SLC26A7: variants seen among roughly 807,000 people sequenced by gnomAD.
SLC26A7 encodes solute carrier family 26 member 7.
SLC26A7 carries 59 observed loss-of-function variants against 82.5 expected under a neutral mutation model. That is an observed-to-expected ratio of 0.72 (90% CI 0.58 to 0.89). The LOEUF is 0.89. Ranked by LOEUF, SLC26A7 falls within the 40% of genes least tolerant of loss-of-function variation. SLC26A7 has a pLI of 0.00. For missense variants in SLC26A7, 820 were observed against 793.0 expected (o/e 1.03, Z -0.41); for synonymous variants, 271 against 274.3 (o/e 0.99, Z 0.12).
At chr8:91,226,544 T>A (rs1451833249) in intron 2 of SLC26A7, among the ~76,000 whole-genome samples, 1 of 152,248 alleles carries the variant, frequency 6.6e-6, no homozygotes, top group Admixed American at 6.5e-5. Flanking sequence ...AATTGTTCTT[T>A]TCCCATTTAT....
chr8:91,349,673 A>G (rs1813660419), intron 9 of SLC26A7, among the ~76,000 whole-genome samples: 1 of 152,052 alleles, frequency 6.6e-6, no homozygotes, highest in South Asian at 2.1e-4. Context: ...TGTGTCTCAG[A>G]TCCTTCCAAG....
chr8:91,336,501 C>G (rs1376449917), intron 6 of SLC26A7, among the ~76,000 whole-genome samples: 3 of 151,894 alleles, frequency 2.0e-5, no homozygotes, highest in Non-Finnish European at 4.4e-5. Flanking sequence ...TCATCATCCC[C>G]AAACCATCTC....
rs189404058 is a variant in SLC26A7, at chr8:91,265,994, T to C, written c.193+16150T>C. 2.2e-3 allele frequency among the ~76,000 whole-genome samples: 332 copies of C among 152,130 alleles called. 2 individuals carry two copies. The highest frequency in any genetic ancestry group is 7.5e-3 in the African/African-American group (312 of 41,554). ...TGTTGCCTGTGCTTTTGAGATCCTA[T>C]CCAAAAAGTCCTTGCTCAGACCAAT... On this transcript the variant is annotated intron_variant, in intron 2 of 18. Transcript: ENST00000276609.
chr8:91,238,702 T>A (rs1011975383), intron 2 of SLC26A7, among the ~76,000 whole-genome samples: 21 of 151,946 alleles, frequency 1.4e-4, no homozygotes, highest in Non-Finnish European at 1.8e-4. Context: ...CCCGGTTATG[T>A]TAAGTATCTT....
At chr8:91,339,350 A>C (rs1161124147) in intron 7 of SLC26A7, among the ~76,000 whole-genome samples, 1 of 152,062 alleles carries the variant, frequency 6.6e-6, no homozygotes, top group African/African-American at 2.4e-5. Context: ...TTCCAGACCC[A>C]TCCGCTAAAG....
rs2130694449 is a variant in SLC26A7 at position 91,249,392 on chromosome 8, C to G, written c.-135C>G. On this transcript the variant is annotated 5_prime_UTR_variant, in exon 1 of 19. Coordinates refer to ENST00000276609, the MANE Select transcript of SLC26A7 (RefSeq NM_052832.4). Reference sequence around the variant, plus strand: ...AATATTACATGAACAGGAACTACTTCTCCTTCAGATAAGAATTCAAGGTTT... The same window carrying G: ...AATATTACATGAACAGGAACTACTTGTCCTTCAGATAAGAATTCAAGGTTT... 3.4e-6 allele frequency: 1 copy of G among 291,378 alleles called. No individual in the cohort carries two copies. Among genetic ancestry groups the G allele is most frequent in the Non-Finnish European group, 6.3e-6 (1 of 159,340 alleles). The allele number at this position is 291,378 out of a possible 1,614,324, so 18.0% of individuals were successfully genotyped here.
At chr8:91,251,752 T>C (rs1810663935) in intron 2 of SLC26A7, among the ~76,000 whole-genome samples, 2 of 152,044 alleles carry the variant, frequency 1.3e-5, no homozygotes, top group South Asian at 4.1e-4. Flanking sequence ...TGATAAGTAG[T>C]GGAGTCAGGA....
intron 4 of SLC26A7, among the ~76,000 whole-genome samples, chr8:91,297,899 A>C (rs1280758019): frequency 6.6e-6 from 1 of 152,132 alleles, no homozygotes; most frequent in Non-Finnish European, 1.5e-5. Context: ...TTTCTCTCTG[A>C]AGATCCAGCT....
At chr8:91,279,116 T>A (rs1047689436) in intron 2 of SLC26A7, among the ~76,000 whole-genome samples, 1 of 103,866 alleles carries the variant, frequency 9.6e-6, no homozygotes, top group South Asian at 3.1e-4. Flanking sequence ...ATAGTATGTG[T>A]GTGTGTGTGT....
intron 11 of SLC26A7, among the ~76,000 whole-genome samples, chr8:91,359,649 ATAGATATCTCTTAGCTGCTAAGGGAT>A (rs1813991223): frequency 6.6e-6 from 1 of 152,154 alleles, no homozygotes; most frequent in Non-Finnish European, 1.5e-5. Context: ...GTTGGAGTGG[ATAGATATCTCTTAGCTGCTAAGGGAT>A]TCAGCAGAGA....
At position 91,325,673 on chromosome 8, in the gene SLC26A7, CT is replaced by C. The variant is rs569209541; in HGVS notation, c.642+7295del. On this transcript the variant is annotated intron_variant, in intron 5 of 18. Coordinates refer to ENST00000276609, the MANE Select transcript of SLC26A7 (RefSeq NM_052832.4). The stretch of plus-strand genomic sequence containing the variant: ...CACCACTAAAACCCCAAATCTAAGA[CT>C]TCATGCTCTGTAATAGTCTCCTCTT... Among the ~76,000 whole-genome samples the C allele has an allele frequency of 5.6e-3, 848 of 152,262 alleles. 7 individuals are homozygous for C. Among genetic ancestry groups the C allele is most frequent in the Non-Finnish European group, 5.4e-3 (369 of 68,012 alleles).
chr8:91,246,749 G>A (rs951199463), upstream of SLC26A7, among the ~76,000 whole-genome samples: 30 of 151,634 alleles, frequency 2.0e-4, no homozygotes, highest in African/African-American at 7.0e-4. Context: ...GACATCATGA[G>A]TATAATTACC....
At chr8:91,340,649 C>A in intron 8 of SLC26A7, 98 bp downstream of exon 8, 1 of 1,478,678 alleles carries the variant, frequency 6.8e-7, no homozygotes, top group Non-Finnish European at 9.4e-7. Flanking sequence ...ATAAAACTTT[C>A]CTAACTGTAC....
chr8:91,345,090 C>T (rs1321524546), intron 9 of SLC26A7, among the ~76,000 whole-genome samples: 1 of 151,614 alleles, frequency 6.6e-6, no homozygotes, highest in East Asian at 1.9e-4. Flanking sequence ...AACAGGCGTG[C>T]ACCACCACAC....
intron 2 of SLC26A7, among the ~76,000 whole-genome samples, chr8:91,225,411 G>A (rs1463910820): frequency 1.3e-5 from 2 of 151,992 alleles, no homozygotes; most frequent in Non-Finnish European, 2.9e-5. Flanking sequence ...TCTGGTGGGA[G>A]GGGATTGCCC....
chr8:91,310,131 C>T lies in SLC26A7; in HGVS notation c.478-8085C>T, dbSNP rs542979661. On this transcript the variant is annotated intron_variant, in intron 4 of 18. Coordinates refer to ENST00000276609, the MANE Select transcript of SLC26A7 (RefSeq NM_052832.4). ...TTATTTTAGAGAAACAGTTTAATAA[C>T]TGCCTGACCATCACTTGATGGTCGC... is the stretch of plus-strand genomic sequence containing the variant. Among the ~76,000 whole-genome samples, 40 of 152,218 alleles carry T rather than the reference C, an allele frequency of 2.6e-4. No individual in the cohort carries two copies. In the South Asian group the frequency reaches 7.9e-3, roughly 30 times the overall value.
chr8:91,283,349 A>G (rs1811625140), intron 2 of SLC26A7, among the ~76,000 whole-genome samples: 1 of 152,154 alleles, frequency 6.6e-6, no homozygotes. Context: ...CAACACCTTC[A>G]TGTTTCCTGA....
intron 3 of SLC26A7, 139 bp from the exon 4 acceptor site, chr8:91,295,392 G>A (rs1311305558): frequency 2.3e-6 from 2 of 881,416 alleles, no homozygotes; most frequent in East Asian, 2.6e-5. Flanking sequence ...GAGTGGAGAA[G>A]CAAGGCCACA....
At chr8:91,315,318 C>T (rs1457594932) in intron 4 of SLC26A7, among the ~76,000 whole-genome samples, 1 of 152,152 alleles carries the variant, frequency 6.6e-6, no homozygotes, top group East Asian at 1.9e-4. Context: ...ATTTCATCCT[C>T]ATGGCCTGTA....
Sources: gnomAD v4.1 joint callset for allele counts (sites outside exome capture counted in the v4.1 genomes callset) on GRCh38, gnomAD v4.1.1 for gene constraint, MANE v1.5 for transcripts, NCBI Gene and HGNC (gene_info 2026-07-23, HGNC 2026-07-21) for gene names.